The following MCF2L variants were observed in gnomAD, a reference collection of about 807,000 sequenced individuals.
MCF2L encodes the protein guanine nucleotide exchange factor DBS.
A neutral mutation model predicts 153.4 loss-of-function variants in MCF2L; 97 were observed. The observed-to-expected ratio is 0.63, with a 90% CI of 0.54 to 0.75. The LOEUF is 0.75. MCF2L is among the 30% of genes least tolerant of loss of function. The pLI is 0.00. For missense variants in MCF2L, 1,347 were observed against 1,495.2 expected (o/e 0.90, Z 1.64); for synonymous variants, 659 against 632.2 (o/e 1.04, Z -0.64).
chr13:113,020,542 A>T (rs769653154), intron 2 of MCF2L, among the ~76,000 whole-genome samples: 3 of 152,230 alleles, frequency 2.0e-5, no homozygotes, highest in Non-Finnish European at 2.9e-5. Flanking sequence ...GCACCGGCAG[A>T]TGTGCTGCCT....
chr13:113,048,099 A>G (rs2086944269), intron 4 of MCF2L, among the ~76,000 whole-genome samples: 1 of 152,246 alleles, frequency 6.6e-6, no homozygotes, highest in African/African-American at 2.4e-5. Context: ...CCTACAGGAT[A>G]GCGAAGCAGC....
rs1431702135 is a variant in MCF2L, at chr13:113,074,649, C to T, written c.1116+86C>T. On this transcript the variant is annotated intron_variant, in intron 10 of 29. Transcript: ENST00000535094. This position sits in a 1 kb window ranked among gnomAD's most constrained non-coding sequence, Gnocchi z 4.2. Reference sequence around the variant, plus strand: ...CAGGAAGGCGCAGGAATGGGCCTCCCGCCTACGGAGAACGGACCCCACAGC... The same window carrying T: ...CAGGAAGGCGCAGGAATGGGCCTCCTGCCTACGGAGAACGGACCCCACAGC... 4.1e-5 allele frequency: 64 copies of T among 1,567,010 alleles called. No homozygotes were observed. Among genetic ancestry groups the T allele is most frequent in the Non-Finnish European group, 5.0e-5 (58 of 1,148,838 alleles).
intron 3 of MCF2L, chr13:113,044,657 C>G (rs779755131): frequency 7.4e-6 from 12 of 1,611,324 alleles, no homozygotes; most frequent in Non-Finnish European, 1.0e-5. Flanking sequence ...ACTCAGGCTT[C>G]TACTACCAGG....
chr13:112,988,254 T>A (rs369588666), intron 1 of MCF2L, among the ~76,000 whole-genome samples: 22 of 152,172 alleles, frequency 1.4e-4, no homozygotes, highest in African/African-American at 5.3e-4. Context: ...TTTTTTTTAA[T>A]TCTACATGGT....
At chr13:113,021,379 G>T (rs1490173330) in intron 2 of MCF2L, among the ~76,000 whole-genome samples, 1 of 152,200 alleles carries the variant, frequency 6.6e-6, no homozygotes, top group African/African-American at 2.4e-5. Flanking sequence ...GGATGAGAGG[G>T]AGTTGCATCT....
intron 2 of MCF2L, among the ~76,000 whole-genome samples, chr13:112,934,555 ATGCTGCTGCTGC>A (rs61222550): frequency 3.4e-5 from 5 of 147,372 alleles, no homozygotes; most frequent in Admixed American, 2.7e-4. Flanking sequence ...TTTCCAGGGG[ATGCTGCTGCTGC>A]TGCTGCTGCT....
rs1388780278 is a variant in MCF2L, at chr13:113,035,586, G to A, written c.279-9685G>A. ...GCCTGCTGCCTTTTTCTTCCATGAG[G>A]ATGCGGTTCCCGTGTCCCCCAGGAC... On this transcript the variant is annotated intron_variant, in intron 3 of 29. Coordinates refer to ENST00000535094, the MANE Select transcript of MCF2L (RefSeq NM_001112732.3). The surrounding 1 kb of genome is among the most constrained non-coding windows in gnomAD (Gnocchi z 4.4). 2.0e-5 allele frequency among the ~76,000 whole-genome samples: 3 copies of A among 152,182 alleles called. No individual in the cohort carries two copies. Among genetic ancestry groups the A allele is most frequent in the African/African-American group, 7.2e-5 (3 of 41,452 alleles).
rs566861129 is a variant in MCF2L, at chr13:112,897,431, C to T, written c.-5+3000C>T. ...TCCCCAGCCATGCCTGGGATCTCCT[C>T]GGAGCCCTGAAAGGTCGTCCCCATG... On this transcript the variant is annotated intron_variant, in intron 1 of 29. Coordinates refer to the MCF2L transcript ENST00000375608. 1.8e-4 allele frequency among the ~76,000 whole-genome samples: 28 copies of T among 152,316 alleles called. No homozygotes were observed. In the East Asian group the frequency reaches 4.3e-3, roughly 23 times the overall value.
At position 113,089,654 on chromosome 13, in the gene MCF2L, G is replaced by A. The variant is rs760427532; in HGVS notation, c.2879G>A (p.Arg960Lys). ...AGGAACATCAAGAAGCTGGAAGAAA[G>A]GAAAACAGACCCCCTAAGCCTGGAG... ...NSRNIKKLEE[R>K]KTDPLSLEGY... is the part of the protein sequence containing the mutation. The change falls in exon 26 of 30, where the codon AGG (arginine) becomes AAG (lysine). Residue 960 changes from arginine (R) to lysine (K), a missense_variant. Arg to Lys is a conservative substitution (Grantham distance 26, BLOSUM62 2). This residue lies in a region of MCF2L where 383 missense variants were observed against 335.4 expected (regional missense o/e 1.14). Transcript: ENST00000535094. 3 of 1,613,986 alleles carry A rather than the reference G, an allele frequency of 1.9e-6. No homozygotes were observed. The highest frequency in any genetic ancestry group is 2.5e-6 in the Non-Finnish European group (3 of 1,179,996).
chr13:113,001,994 C>T (rs568813059), intron 1 of MCF2L: 21 of 1,565,548 alleles, frequency 1.3e-5, no homozygotes, highest in African/African-American at 2.7e-5. Flanking sequence ...GTGCGTGGGG[C>T]GCGGGCGGGT....
Position 113,097,151 on chromosome 13 carries a change from G to T in MCF2L, c.*292G>T. On this transcript the variant is annotated 3_prime_UTR_variant, in exon 30 of 30. Transcript: ENST00000535094. ...GTCCTGGCTCCACCGTGCTGCTTCT[G>T]CCTCTGGACGGTGCTTTCAGGGGAC... 3.1e-6 allele frequency: 1 copy of T among 320,202 alleles called. No individual in the cohort carries two copies. Among genetic ancestry groups the T allele is most frequent in the Non-Finnish European group, 5.7e-6 (1 of 176,316 alleles). The allele number at this position is 320,202 out of a possible 1,614,324, so 19.8% of individuals were successfully genotyped here.
At chr13:113,003,676 C>A (rs1422169199) in intron 1 of MCF2L, among the ~76,000 whole-genome samples, 4 of 152,182 alleles carry the variant, frequency 2.6e-5, no homozygotes, top group Non-Finnish European at 5.9e-5. Context: ...CGTGATCAGA[C>A]CCGGGACCTG....
At chr13:112,919,499 C>G (rs2081332456) in intron 2 of MCF2L, among the ~76,000 whole-genome samples, 1 of 152,104 alleles carries the variant, frequency 6.6e-6, no homozygotes, top group South Asian at 2.1e-4. Flanking sequence ...GCCACCGCGC[C>G]CGGCCAGAAT....
intron 1 of MCF2L, among the ~76,000 whole-genome samples, chr13:112,987,578 G>A (rs1180440679): frequency 6.6e-6 from 1 of 152,054 alleles, no homozygotes; most frequent in Non-Finnish European, 1.5e-5. Flanking sequence ...GGCCGGGTGT[G>A]AGGTCTCGGC....
At chr13:112,971,235 G>T (rs776002089) in intron 1 of MCF2L, among the ~76,000 whole-genome samples, 4 of 152,206 alleles carry the variant, frequency 2.6e-5, no homozygotes, top group Non-Finnish European at 5.9e-5. Context: ...TGGTAGGGGT[G>T]AAGGTCAAGG....
At chr13:113,094,972 C>G in intron 27 of MCF2L, 4 of 1,381,706 alleles carry the variant, frequency 2.9e-6, no homozygotes, top group Non-Finnish European at 3.9e-6. Context: ...TTTCCAGGTG[C>G]CCACCCAGCC....
intron 1 of MCF2L, among the ~76,000 whole-genome samples, chr13:112,973,941 C>T (rs561594633): frequency 1.4e-4 from 22 of 152,302 alleles, no homozygotes; most frequent in African/African-American, 4.6e-4. Context: ...GCACCTGTGC[C>T]TTGGGATGGT....
At chr13:113,003,662 G>T (rs1380359506) in intron 1 of MCF2L, among the ~76,000 whole-genome samples, 1 of 152,212 alleles carries the variant, frequency 6.6e-6, no homozygotes, top group Non-Finnish European at 1.5e-5. Flanking sequence ...AGCCCTGACG[G>T]TTCCGTGATC....
rs967561566 is a variant in MCF2L at position 113,010,189 on chromosome 13, G to A, written c.80-4574G>A. ...AGTCCCCGTTCTCTCTGCTGCTTTC[G>A]AGGTCACCCTGGGCTGGAAGGGGTG... On this transcript the variant is annotated intron_variant, in intron 1 of 29. Transcript: ENST00000535094. 6 of 142,592 alleles carry A rather than the reference G, an allele frequency of 4.2e-5. No individual in the cohort carries two copies. In the East Asian group the frequency reaches 6.2e-4, roughly 15 times the overall value. The allele number at this position is 142,592 out of a possible 1,614,324, so 8.8% of individuals were successfully genotyped here. A position where few individuals can be genotyped will look rare whatever the true frequency, so the allele number is the denominator to read the frequency against.
Sources: allele counts gnomAD v4.1 joint callset (sites outside exome capture counted in the v4.1 genomes callset), GRCh38; gene constraint gnomAD v4.1.1; regional missense constraint gnomAD v4.1.1; non-coding constraint Gnocchi (gnomAD v3.1); transcripts MANE v1.5; gene names NCBI Gene and HGNC (gene_info 2026-07-23, HGNC 2026-07-21).